The following PCLO variants were observed in gnomAD, a reference collection of about 807,000 sequenced individuals.
PCLO encodes the protein piccolo presynaptic cytomatrix protein, also known as protein piccolo.
Under a neutral mutation model 427.5 loss-of-function variants are expected in PCLO, and 82 were observed. The ratio of observed to expected loss-of-function variants is 0.19; its 90% CI spans 0.16 to 0.23. The LOEUF (loss-of-function observed/expected upper bound fraction) is 0.23, where lower values mean the gene tolerates loss of function less well. Ranked by LOEUF, PCLO falls within the 10% of genes least tolerant of loss-of-function variation. The pLI, the probability that PCLO is intolerant of heterozygous loss-of-function variation, is 1.00. For synonymous variants in PCLO, 2,357 were observed against 2,155.4 expected, an observed-to-expected ratio of 1.09 and a Z score of -2.59; for missense variants, 6,239 against 6,115.9, an observed-to-expected ratio of 1.02 and a Z score of -0.67.
chr7:82,940,697 T>TA (rs397781307), intron 6 of PCLO, among the ~76,000 whole-genome samples: 1 of 151,648 alleles, frequency 6.6e-6, no homozygotes, highest in Non-Finnish European at 1.5e-5. Context: ...CTTTTTTTTT[T>TA]AGCCAAAAAT....
intron 21 of PCLO, among the ~76,000 whole-genome samples, chr7:82,802,105 T>G (rs2129468702): frequency 6.6e-6 from 1 of 152,058 alleles, no homozygotes; most frequent in East Asian, 1.9e-4. Context: ...TGTTTTCCAC[T>G]GTGTTGAGCA....
At position 82,956,331 on chromosome 7, in the gene PCLO, T is replaced by C. The variant is rs767165929; in HGVS notation, c.4622A>G (p.Tyr1541Cys). The change falls in exon 5 of 25, where the codon TAT (tyrosine) becomes TGT (cysteine). Residue 1541 changes from tyrosine to cysteine, a missense_variant. This residue lies in a region of PCLO where 4,677 missense variants were observed against 4,468.4 expected (regional missense o/e 1.05). Transcript: ENST00000333891. Reference sequence around the variant, plus strand: ...TGATCCTTGGCTGTCTTCCTGTTTATACTCATCACTGCTTGATGAGCCAAC... The same window carrying C: ...TGATCCTTGGCTGTCTTCCTGTTTACACTCATCACTGCTTGATGAGCCAAC... ...TSVGSSSSDE[Y>C]KQEDSQGSGE... 1.2e-6 allele frequency: 2 copies of C among 1,613,038 alleles called. No homozygotes were observed. Among genetic ancestry groups the C allele is most frequent in the Non-Finnish European group, 1.7e-6 (2 of 1,179,844 alleles).
At chr7:82,801,176 A>G (rs1201287135) in intron 22 of PCLO, among the ~76,000 whole-genome samples, 1 of 149,386 alleles carries the variant, frequency 6.7e-6, no homozygotes, top group Non-Finnish European at 1.5e-5. Flanking sequence ...TTCTATTTGC[A>G]TGATATTTTA....
At chr7:82,900,273 C>G (rs1025492687) in intron 9 of PCLO, among the ~76,000 whole-genome samples, 8 of 151,710 alleles carry the variant, frequency 5.3e-5, no homozygotes, top group African/African-American at 1.7e-4. Flanking sequence ...GTTCCATTGT[C>G]TAAGATCTGC....
chr7:83,086,883 C>T (rs936742973), intron 3 of PCLO, among the ~76,000 whole-genome samples: 49 of 151,944 alleles, frequency 3.2e-4, no homozygotes, highest in Non-Finnish European at 5.7e-4. Context: ...GAATACTATG[C>T]AGCCATAAAA....
chr7:83,130,145 G>A (rs1473445774), intron 3 of PCLO, among the ~76,000 whole-genome samples: 1 of 151,910 alleles, frequency 6.6e-6, no homozygotes, highest in Non-Finnish European at 1.5e-5. Flanking sequence ...TGTTGTTGTT[G>A]TTGTTGTTGT....
Position 83,053,900 on chromosome 7 carries a change from T to C in PCLO, c.3300+80350A>G, listed in dbSNP as rs150516587. On this transcript the variant is annotated intron_variant, in intron 3 of 24. Coordinates refer to ENST00000333891, the MANE Select transcript of PCLO (RefSeq NM_033026.6). ...AGACACATCTTCACTTCAGAGATGT[T>C]GAAATGTGGAAAAAACACATTGTAG... 6.6e-4 allele frequency among the ~76,000 whole-genome samples: 101 copies of C among 152,050 alleles called. 1 individual carries two copies. In the East Asian group the frequency reaches 0.018, roughly 27 times the overall value.
chr7:83,140,018 T>A (rs1461753177), intron 2 of PCLO, among the ~76,000 whole-genome samples: 2 of 152,180 alleles, frequency 1.3e-5, no homozygotes, highest in Admixed American at 6.6e-5. Flanking sequence ...TTCCTACACA[T>A]TGACCAAATG....
At chr7:83,046,829 C>T (rs1010264687) in intron 3 of PCLO, among the ~76,000 whole-genome samples, 7 of 151,956 alleles carry the variant, frequency 4.6e-5, no homozygotes, top group Admixed American at 4.6e-4. Flanking sequence ...GCATTTCTCA[C>T]ACTCTGCCTT....
At chr7:82,899,324 G>A (rs1793984144) in intron 9 of PCLO, among the ~76,000 whole-genome samples, 1 of 151,308 alleles carries the variant, frequency 6.6e-6, no homozygotes, top group East Asian at 1.9e-4. Context: ...AATATTCTTT[G>A]CCAGGAAATA....
At chr7:82,965,019 T>C (rs1320723582) in intron 4 of PCLO, among the ~76,000 whole-genome samples, 1 of 152,112 alleles carries the variant, frequency 6.6e-6, no homozygotes, top group Non-Finnish European at 1.5e-5. Context: ...GTAAGATCTC[T>C]TACAGCTCCA....
intron 3 of PCLO, among the ~76,000 whole-genome samples, chr7:83,129,270 G>C (rs575081715): frequency 6.6e-6 from 1 of 152,098 alleles, no homozygotes; most frequent in South Asian, 2.1e-4. Context: ...AGTCAAAATA[G>C]CTGCCCTATT....
Position 82,956,628 on chromosome 7 carries a change from GA to G in PCLO, c.4324del (p.Ser1442LeufsTer62). ...CTCTTGGTCTTTAGGCTGTTCAGGAGAAACTTCATGGGGTTGTGTTTTCTTT... is the reference window on the plus strand; with the variant it reads ...CTCTTGGTCTTTAGGCTGTTCAGGAGAACTTCATGGGGTTGTGTTTTCTTT... ...SEKKTQPHEVSPEQPKDQEKT... is the reference protein window; with the variant it reads ...SEKKTQPHEVXPEQPKDQEKT... On this transcript the variant is annotated frameshift_variant, in exon 5 of 25. Transcript: ENST00000333891. LOFTEE classifies it high-confidence loss of function. 1 of 1,613,888 alleles carries G rather than the reference GA, an allele frequency of 6.2e-7. No homozygotes were observed. The highest frequency in any genetic ancestry group is 1.1e-5 in the South Asian group (1 of 91,074).
intron 6 of PCLO, among the ~76,000 whole-genome samples, chr7:82,940,504 T>C (rs6467922): frequency 0.53 from 80,328 of 151,822 alleles, 21,664 homozygotes; most frequent in East Asian, 0.8. Context: ...GCTAAAACAA[T>C]ATTTGTGTTT....
At chr7:83,031,712 ATCTCTCTC>A (rs35232098) in intron 3 of PCLO, among the ~76,000 whole-genome samples, 1 of 142,510 alleles carries the variant, frequency 7.0e-6, no homozygotes, top group African/African-American at 2.6e-5. Context: ...ATGAGTCTTA[ATCTCTCTC>A]TCTCTCTCTC....
chr7:83,038,108 T>C (rs1788875224), intron 3 of PCLO, among the ~76,000 whole-genome samples: 1 of 119,304 alleles, frequency 8.4e-6, no homozygotes, highest in Admixed American at 1.0e-4. Context: ...TATTTATATA[T>C]GTATATATAT....
rs2129467338 is a variant in PCLO, at chr7:82,754,036, AG to A, written c.*4538del. The A allele has an allele frequency of 6.6e-6, 1 of 152,338 alleles. No homozygotes were observed. Among genetic ancestry groups the A allele is most frequent in the African/African-American group, 2.4e-5 (1 of 41,596 alleles). 9.4% of individuals were successfully genotyped at this position (152,338 alleles called of 1,614,324 possible). On this transcript the variant is annotated 3_prime_UTR_variant, in exon 25 of 25. Coordinates refer to ENST00000333891, the MANE Select transcript of PCLO (RefSeq NM_033026.6). ...GTGATATTTTCAGTATTTATTAGTA[AG>A]GCTGAGGCAACAGCCTTTATACGGC...
intron 3 of PCLO, among the ~76,000 whole-genome samples, chr7:83,110,439 C>T (rs1790974570): frequency 6.6e-6 from 1 of 151,984 alleles, no homozygotes; most frequent in African/African-American, 2.4e-5. Context: ...AATGCCCTCT[C>T]CTAGTTTTCC....
intron 14 of PCLO, among the ~76,000 whole-genome samples, chr7:82,839,757 G>C (rs1170029858): frequency 6.6e-6 from 1 of 152,008 alleles, no homozygotes; most frequent in Non-Finnish European, 1.5e-5. Flanking sequence ...TATGGCCTTA[G>C]GGAACATCTA....
Sources: allele counts gnomAD v4.1 joint callset (sites outside exome capture counted in the v4.1 genomes callset), GRCh38; gene constraint gnomAD v4.1.1; regional missense constraint gnomAD v4.1.1; transcripts MANE v1.5; gene names NCBI Gene and HGNC (gene_info 2026-07-23, HGNC 2026-07-21).